Variants in MYO16 observed in about 807,000 individuals in gnomAD.
The protein encoded by MYO16 is unconventional myosin-XVI.
MYO16 carries 94 observed loss-of-function variants against 205.3 expected under a neutral mutation model. That is an observed-to-expected ratio of 0.46 (90% CI 0.39 to 0.54). The LOEUF is 0.54. Ranked by LOEUF, MYO16 falls within the 20% of genes least tolerant of loss-of-function variation. MYO16 has a pLI of 0.00. For missense variants in MYO16, 2,315 were observed against 2,387.5 expected (o/e 0.97, Z 0.63); for synonymous variants, 988 against 954.0 (o/e 1.04, Z -0.66).
chr13:108,903,599 A>G (rs1489311273), intron 15 of MYO16, among the ~76,000 whole-genome samples: 1 of 152,202 alleles, frequency 6.6e-6, no homozygotes, highest in East Asian at 1.9e-4. Context: ...CTTTAAAATG[A>G]TTTTCAGTTT....
At chr13:109,048,287 CA>C (rs958979587) in intron 24 of MYO16, 53 of 663,586 alleles carry the variant, frequency 8.0e-5, no homozygotes, top group South Asian at 1.8e-4. Context: ...TAAATTTGTA[CA>C]AAAAAAAGTT....
intron 29 of MYO16, among the ~76,000 whole-genome samples, chr13:109,121,707 G>C (rs1875998055): frequency 6.6e-6 from 1 of 152,226 alleles, no homozygotes; most frequent in African/African-American, 2.4e-5. Context: ...CCTGGCCTCA[G>C]AGATATCACA....
chr13:109,197,098 G>T (rs1880192355), intron 34 of MYO16, among the ~76,000 whole-genome samples: 1 of 152,142 alleles, frequency 6.6e-6, no homozygotes. Flanking sequence ...AGTCTGTGGT[G>T]ACTGTCCCCC....
At chr13:108,947,310 C>T (rs1020186486) in intron 16 of MYO16, among the ~76,000 whole-genome samples, 1 of 152,164 alleles carries the variant, frequency 6.6e-6, no homozygotes, top group East Asian at 1.9e-4. Context: ...TCAGCCTCGC[C>T]TGCGGCATAT....
intron 9 of MYO16, among the ~76,000 whole-genome samples, chr13:108,838,785 C>CACAG (rs1161731767): frequency 1.3e-5 from 2 of 150,530 alleles, no homozygotes; most frequent in East Asian, 3.9e-4. Flanking sequence ...CACACACACA[C>CACAG]ACACACCATA....
chr13:108,920,681 A>G (rs1192959388), intron 16 of MYO16, among the ~76,000 whole-genome samples: 2 of 151,066 alleles, frequency 1.3e-5, no homozygotes, highest in Admixed American at 1.3e-4. Flanking sequence ...CTGGTCTCAA[A>G]CTCCTTACCT....
At chr13:109,010,277 C>T (rs538017631) in intron 22 of MYO16, among the ~76,000 whole-genome samples, 2 of 152,224 alleles carry the variant, frequency 1.3e-5, no homozygotes, top group African/African-American at 4.8e-5. Context: ...TGGCTTATTT[C>T]CCTAGGTTCT....
chr13:108,666,205 TTG>T (rs1881722933), intron 2 of MYO16, 56 bp downstream of exon 2: 3 of 1,503,016 alleles, frequency 2.0e-6, no homozygotes, highest in Non-Finnish European at 2.7e-6. Flanking sequence ...TGATTGATTT[TTG>T]TTGGTTTGTT....
intron 2 of MYO16, among the ~76,000 whole-genome samples, chr13:108,690,504 C>A (rs1372474211): frequency 4.3e-5 from 6 of 140,482 alleles, no homozygotes; most frequent in Non-Finnish European, 9.2e-5. Context: ...CAGCTGTATT[C>A]ATAAGTTTAA....
rs567802174 is a variant in MYO16, at chr13:108,929,771, G to A, written c.1925+19621G>A. Among the ~76,000 whole-genome samples, 255 of 151,878 alleles carry A rather than the reference G, an allele frequency of 1.7e-3. 9 individuals are homozygous for A. The South Asian group carries it at 0.046, about 27-fold the overall frequency. On this transcript the variant is annotated intron_variant, in intron 16 of 34. Coordinates refer to ENST00000457511, the MANE Select transcript of MYO16 (RefSeq NM_001198950.3). ...AGCTGCCCAGTGTTTGAGAAATCCT[G>A]GCACAGAGAAACCCACACATGCATT...
At chr13:108,948,156 A>T (rs190223091) in intron 16 of MYO16, among the ~76,000 whole-genome samples, 1 of 152,236 alleles carries the variant, frequency 6.6e-6, no homozygotes, top group Non-Finnish European at 1.5e-5. Context: ...GTGAGGGTGC[A>T]TGGGCAAAAA....
At chr13:108,496,152 CCCTTCCT>C in the MYO16 span, among the ~76,000 whole-genome samples, 55 of 152,274 alleles carry the variant, frequency 3.6e-4, 1 homozygote, top group African/African-American at 1.2e-3. Context: ...GCTTGTCGGT[CCCTTCCT>C]GGGAAAGGAA....
intron 3 of MYO16, among the ~76,000 whole-genome samples, chr13:108,713,221 G>A (rs1668618604): frequency 6.6e-6 from 1 of 152,122 alleles, no homozygotes; most frequent in Admixed American, 6.5e-5. Context: ...TTAGATTCGT[G>A]TGCAAGAAAT....
chr13:108,636,249 G>A (rs1293062366), intron 1 of MYO16, among the ~76,000 whole-genome samples: 6 of 151,450 alleles, frequency 4.0e-5, no homozygotes, highest in Non-Finnish European at 8.8e-5. Flanking sequence ...AATCTCTCCT[G>A]ATTAGTGTTC....
intron 2 of MYO16, among the ~76,000 whole-genome samples, chr13:108,683,800 ACTT>A (rs1353166339): frequency 6.6e-6 from 1 of 152,194 alleles, no homozygotes; most frequent in Non-Finnish European, 1.5e-5. Context: ...TGTCCCCTGA[ACTT>A]CTTTTTTGAG....
intron 12 of MYO16, among the ~76,000 whole-genome samples, chr13:108,868,790 A>G (rs9559429): frequency 0.086 from 13,012 of 151,166 alleles, 713 homozygotes; most frequent in Non-Finnish European, 0.12. Context: ...GCATGGTGGC[A>G]GGTGACGTAA....
At chr13:109,119,228 A>G (rs1457098672) in intron 28 of MYO16, among the ~76,000 whole-genome samples, 4 of 152,176 alleles carry the variant, frequency 2.6e-5, no homozygotes, top group African/African-American at 9.7e-5. Context: ...TGATGTGTAC[A>G]CACGTGCCAG....
At chr13:108,709,385 T>A (rs1384876908) in intron 2 of MYO16, among the ~76,000 whole-genome samples, 1 of 148,122 alleles carries the variant, frequency 6.8e-6, no homozygotes, top group Non-Finnish European at 1.5e-5. Context: ...TCTGATGCCG[T>A]TTGGGGTTAA....
At chr13:108,496,884 A>G in the MYO16 span, among the ~76,000 whole-genome samples, 3 of 142,406 alleles carry the variant, frequency 2.1e-5, no homozygotes, top group Admixed American at 1.4e-4. Context: ...CCAGAGGAGT[A>G]AATGAGCAGA....
Sources: gnomAD v4.1 joint callset for allele counts (sites outside exome capture counted in the v4.1 genomes callset) on GRCh38, gnomAD v4.1.1 for gene constraint, MANE v1.5 for transcripts, NCBI Gene and HGNC (gene_info 2026-07-23, HGNC 2026-07-21) for gene names.